Variants in RIN2 observed in about 807,000 individuals in gnomAD.
RIN2 encodes the protein Ras and Rab interactor 2.
RIN2 carries 36 observed loss-of-function variants against 78.0 expected under a neutral mutation model. That is an observed-to-expected ratio of 0.46 (90% CI 0.35 to 0.61). The LOEUF is 0.61. RIN2 is among the 20% of genes least tolerant of loss of function. RIN2 has a pLI of 0.00. For synonymous variants in RIN2, 466 were observed against 466.8 expected, an observed-to-expected ratio of 1.00 and a Z score of 0.02; for missense variants, 1,087 against 1,159.7, an observed-to-expected ratio of 0.94 and a Z score of 0.91.
At chr20:19,771,586 A>G (rs1194665234) in intron 1 of RIN2, among the ~76,000 whole-genome samples, 6 of 152,088 alleles carry the variant, frequency 3.9e-5, no homozygotes, top group Non-Finnish European at 7.4e-5. Flanking sequence ...CGAGGGGTCC[A>G]GCTCCCTTTC....
At chr20:19,886,490 G>T (rs558332961) in intron 2 of RIN2, 2 of 532,810 alleles carry the variant, frequency 3.8e-6, no homozygotes, top group Non-Finnish European at 6.6e-6. Flanking sequence ...GTCCATTAGC[G>T]CCGACCAACG....
intron 4 of RIN2, among the ~76,000 whole-genome samples, chr20:19,937,309 G>C (rs2040685681): frequency 6.6e-6 from 1 of 152,222 alleles, no homozygotes; most frequent in Non-Finnish European, 1.5e-5. Context: ...AGGTAGCAGA[G>C]TTGCTTTCAG....
intron 2 of RIN2, among the ~76,000 whole-genome samples, chr20:19,865,725 C>G (rs994230011): frequency 1.3e-5 from 2 of 151,974 alleles, no homozygotes; most frequent in Admixed American, 6.6e-5. Context: ...AAACTCCTGA[C>G]CTTAAGCAAT....
chr20:19,807,300 A>T (rs1442421512), intron 2 of RIN2, among the ~76,000 whole-genome samples: 4 of 152,230 alleles, frequency 2.6e-5, no homozygotes, highest in Admixed American at 2.6e-4. Flanking sequence ...GCTTAAGACC[A>T]ATAAGGCAAT....
At chr20:19,823,767 T>C (rs987657910) in intron 2 of RIN2, 100 of 1,596,624 alleles carry the variant, frequency 6.3e-5, no homozygotes, top group Non-Finnish European at 8.4e-5. Context: ...TTAGTTTCAC[T>C]GTAATCCTCA....
chr20:19,884,590 G>A (rs1408100946), intron 2 of RIN2, among the ~76,000 whole-genome samples: 1 of 152,054 alleles, frequency 6.6e-6, no homozygotes, highest in Non-Finnish European at 1.5e-5. Context: ...TGACTGTTGG[G>A]TGAGGGAAAA....
rs6106148 is a variant in RIN2, at chr20:19,885,178, T to G, written c.-36-4388T>G. The stretch of plus-strand genomic sequence containing the variant: ...ATCCAATATAATTGCTTTTGCTGCT[T>G]CTTTTGTGGGTTTGCACTTGTGACC... On this transcript the variant is annotated intron_variant, in intron 2 of 12. Coordinates refer to ENST00000255006, the MANE Select transcript of RIN2 (RefSeq NM_018993.4). Among the ~76,000 whole-genome samples, 520 of 152,250 alleles carry G rather than the reference T, an allele frequency of 3.4e-3. 2 individuals carry two copies. Among genetic ancestry groups the G allele is most frequent in the African/African-American group, 0.011 (461 of 41,542 alleles).
At chr20:19,997,257 C>G (rs981074092) in intron 12 of RIN2, among the ~76,000 whole-genome samples, 1 of 152,192 alleles carries the variant, frequency 6.6e-6, no homozygotes, top group Non-Finnish European at 1.5e-5. Context: ...CTCGCCCACT[C>G]TCCAAAACAG....
At position 19,815,572 on chromosome 20, in the gene RIN2, A is replaced by T. The variant is rs568062766; in HGVS notation, c.-37+15825A>T. Reference sequence around the variant, plus strand: ...TTTCTTCTTTGGACTTTTCAAAAGCAGAAGTTTCCCTGACATGCTCGGTGT... The same window carrying T: ...TTTCTTCTTTGGACTTTTCAAAAGCTGAAGTTTCCCTGACATGCTCGGTGT... On this transcript the variant is annotated intron_variant, in intron 2 of 12. Transcript: ENST00000255006. 1.4e-4 allele frequency among the ~76,000 whole-genome samples: 22 copies of T among 152,368 alleles called. No homozygotes were observed. The South Asian group carries it at 4.6e-3, about 32-fold the overall frequency.
intron 1 of RIN2, among the ~76,000 whole-genome samples, chr20:19,790,896 C>T (rs1333376361): frequency 3.3e-5 from 5 of 152,196 alleles, no homozygotes; most frequent in African/African-American, 1.2e-4. Context: ...TTGTCCAGAC[C>T]ATGACCTGGC....
chr20:19,857,300 T>C (rs1050367192), intron 2 of RIN2, among the ~76,000 whole-genome samples: 19 of 152,228 alleles, frequency 1.2e-4, no homozygotes, highest in Admixed American at 9.8e-4. Context: ...TTGCTTCATA[T>C]ATCAGTAATT....
At chr20:19,899,833 G>A (rs35525268) in intron 3 of RIN2, among the ~76,000 whole-genome samples, 431 of 152,206 alleles carry the variant, frequency 2.8e-3, no homozygotes, top group Middle Eastern at 0.017. Flanking sequence ...TATTCTATTC[G>A]TTAGAAGCCA....
chr20:19,865,901 T>C (rs960671612), intron 2 of RIN2, among the ~76,000 whole-genome samples: 1 of 152,154 alleles, frequency 6.6e-6, no homozygotes, highest in Non-Finnish European at 1.5e-5. Context: ...CCCAACCTTT[T>C]TGGCACCAGG....
At chr20:19,952,407 T>C (rs973885402) in intron 4 of RIN2, among the ~76,000 whole-genome samples, 3 of 152,230 alleles carry the variant, frequency 2.0e-5, no homozygotes, top group Non-Finnish European at 2.9e-5. Flanking sequence ...ACATTAGTTT[T>C]TTCCTGAAGG....
chr20:19,837,169 AACACACACACACACAC>A (rs142399537), intron 2 of RIN2, among the ~76,000 whole-genome samples: 197 of 140,210 alleles, frequency 1.4e-3, no homozygotes, highest in Admixed American at 2.7e-3. Flanking sequence ...CGCCCCCCCC[AACACACACACACACAC>A]ACACACACAC....
chr20:19,896,190 T>A (rs778693390), intron 3 of RIN2, among the ~76,000 whole-genome samples: 46 of 152,172 alleles, frequency 3.0e-4, no homozygotes, highest in Admixed American at 1.1e-3. Flanking sequence ...TTTTTATTTT[T>A]ATTTTTATGT....
At chr20:19,915,778 A>G (rs933111219) in intron 3 of RIN2, among the ~76,000 whole-genome samples, 1 of 151,804 alleles carries the variant, frequency 6.6e-6, no homozygotes, top group Admixed American at 6.6e-5. Context: ...CCCTAAACCA[A>G]CTCTATGTGC....
chr20:19,823,987 C>G lies in RIN2; in HGVS notation c.-37+24240C>G, dbSNP rs181956683. 8.8e-6 allele frequency: 11 copies of G among 1,248,430 alleles called. No homozygotes were observed. The Admixed American group carries it at 2.0e-4, about 22-fold the overall frequency. The allele number at this position is 1,248,430 out of a possible 1,614,324, so 77.3% of individuals were successfully genotyped here. On this transcript the variant is annotated intron_variant, in intron 2 of 12. Coordinates refer to ENST00000255006, the MANE Select transcript of RIN2 (RefSeq NM_018993.4). ...CGGATGAACCCGGATTCAGGACGACCGAAGAAAGTTGCACCTTGGCCTCCT... is the reference window on the plus strand; with the variant it reads ...CGGATGAACCCGGATTCAGGACGACGGAAGAAAGTTGCACCTTGGCCTCCT...
At chr20:19,866,032 A>G (rs769350329) in intron 2 of RIN2, among the ~76,000 whole-genome samples, 3 of 152,080 alleles carry the variant, frequency 2.0e-5, no homozygotes, top group Non-Finnish European at 2.9e-5. Context: ...ACATTGTAAT[A>G]TATAATTAAA....
Sources: gnomAD v4.1 joint callset for allele counts (sites outside exome capture counted in the v4.1 genomes callset) on GRCh38, gnomAD v4.1.1 for gene constraint, MANE v1.5 for transcripts, NCBI Gene and HGNC (gene_info 2026-07-23, HGNC 2026-07-21) for gene names.